Variants in PDE6A observed in about 807,000 individuals in gnomAD.
PDE6A encodes phosphodiesterase 6A.
In PDE6A, 84 loss-of-function variants were observed where a neutral mutation model predicts 106.3. The observed-to-expected ratio is 0.79, with a 90% CI of 0.66 to 0.95. The LOEUF (loss-of-function observed/expected upper bound fraction) is 0.95, where lower values mean the gene tolerates loss of function less well. Ranked by LOEUF, PDE6A falls within the 40% of genes least tolerant of loss-of-function variation. PDE6A has a pLI of 0.00. For synonymous variants in PDE6A, 394 were observed against 386.6 expected (o/e 1.02, Z -0.23); for missense variants, 1,052 against 1,084.9 (o/e 0.97, Z 0.43).
At chr5:149,906,851 A>C (rs1186957146) in intron 7 of PDE6A, among the ~76,000 whole-genome samples, 2 of 152,006 alleles carry the variant, frequency 1.3e-5, no homozygotes, top group East Asian at 3.9e-4. Context: ...GGCTCACTGC[A>C]ACCTCCGCCT....
chr5:149,922,407 G>A (rs1396644944), intron 4 of PDE6A, among the ~76,000 whole-genome samples: 1 of 152,042 alleles, frequency 6.6e-6, no homozygotes, highest in African/African-American at 2.4e-5. Context: ...CACCTCCCGG[G>A]TTCTAGCAAT....
At chr5:149,925,366 A>T (rs113183411) in intron 4 of PDE6A, among the ~76,000 whole-genome samples, 18 of 152,348 alleles carry the variant, frequency 1.2e-4, no homozygotes, top group African/African-American at 4.3e-4. Context: ...AAATTGAAAA[A>T]TATCTAAAGT....
At chr5:149,910,874 C>CT (rs386405293) in intron 6 of PDE6A, among the ~76,000 whole-genome samples, 2,041 of 86,972 alleles carry the variant, frequency 0.023, 133 homozygotes, top group East Asian at 0.039. Flanking sequence ...TTTCTTTTTC[C>CT]TTTTTTTTTT....
intron 1 of PDE6A, among the ~76,000 whole-genome samples, chr5:149,942,851 A>G (rs1022185573): frequency 1.2e-4 from 19 of 152,034 alleles, no homozygotes; most frequent in African/African-American, 4.1e-4. Context: ...AGTAAAGAGC[A>G]GTATTGCCAC....
chr5:149,934,811 C>T (rs1754138355), intron 1 of PDE6A, 93 bp from the exon 2 acceptor site: 5 of 1,248,044 alleles, frequency 4.0e-6, no homozygotes, highest in Admixed American at 3.5e-5. Context: ...AATAAAGGTG[C>T]TTCCATCTAT....
chr5:149,937,030 C>CTTTGAGGAAACTGCT (rs1754204438), intron 1 of PDE6A, among the ~76,000 whole-genome samples: 1 of 152,208 alleles, frequency 6.6e-6, no homozygotes, highest in African/African-American at 2.4e-5. Flanking sequence ...CTTCCTCCAA[C>CTTTGAGGAAACTGCT]TTGAGGAAAC....
chr5:149,926,043 G>A (rs568676426), intron 4 of PDE6A, among the ~76,000 whole-genome samples: 163 of 151,898 alleles, frequency 1.1e-3, no homozygotes, highest in African/African-American at 3.5e-3. Context: ...GGAGTTCGAG[G>A]CCAACCTGGC....
In PDE6A at chr5:149,858,816, C is replaced by CAT. The variant is rs1760023391; in HGVS notation, c.*2078_*2079insAT. 1.3e-5 allele frequency: 1 copy of CAT among 79,116 alleles called. No homozygotes were observed. Among genetic ancestry groups the CAT allele is most frequent in the Non-Finnish European group, 2.2e-5 (1 of 46,000 alleles). 4.9% of individuals were successfully genotyped at this position (79,116 alleles called of 1,614,324 possible). On this transcript the variant is annotated 3_prime_UTR_variant, in exon 22 of 22. Coordinates refer to ENST00000255266, the MANE Select transcript of PDE6A (RefSeq NM_000440.3). ...AAGAGAGAAATTCTATCTGCCACAT[C>CAT]TTTTTTTTTTCTTTTTTTTTTTTTT... is the stretch of plus-strand genomic sequence containing the variant.
intron 5 of PDE6A, among the ~76,000 whole-genome samples, chr5:149,915,288 C>T (rs529020254): frequency 6.6e-5 from 10 of 152,118 alleles, no homozygotes; most frequent in African/African-American, 1.2e-4. Flanking sequence ...GGATTACAGG[C>T]GTGAGCCACT....
chr5:149,891,159 A>C (rs1471838882), intron 13 of PDE6A, among the ~76,000 whole-genome samples: 1 of 152,214 alleles, frequency 6.6e-6, no homozygotes, highest in East Asian at 1.9e-4. Flanking sequence ...AAATAGTGAC[A>C]AGGTGACTGC....
chr5:149,913,494 A>T (rs1284183291), intron 6 of PDE6A, among the ~76,000 whole-genome samples: 1 of 152,132 alleles, frequency 6.6e-6, no homozygotes, highest in Non-Finnish European at 1.5e-5. Flanking sequence ...TCTCATCCTC[A>T]CCGGTAACAG....
rs1409138612 is a variant in PDE6A at position 149,925,401 on chromosome 5, A to C, written c.859-3692T>G. On this transcript the variant is annotated intron_variant, in intron 4 of 21. Coordinates refer to ENST00000255266, the MANE Select transcript of PDE6A (RefSeq NM_000440.3). ...TTAAAAACTCAATAGTTTAACAGTC[A>C]ATTAGACACTGTTGAAGAGAGAGTT... 2.6e-5 allele frequency among the ~76,000 whole-genome samples: 4 copies of C among 152,200 alleles called. No individual in the cohort carries two copies. The East Asian group carries it at 7.7e-4, about 29-fold the overall frequency.
chr5:149,875,625 G>C (rs1760712859), intron 17 of PDE6A, among the ~76,000 whole-genome samples: 1 of 151,796 alleles, frequency 6.6e-6, no homozygotes, highest in Non-Finnish European at 1.5e-5. Context: ...GAGTAGTTGG[G>C]ACCACAGGTG....
intron 5 of PDE6A, among the ~76,000 whole-genome samples, chr5:149,918,520 C>T (rs1033644126): frequency 6.6e-6 from 1 of 152,186 alleles, no homozygotes; most frequent in Non-Finnish European, 1.5e-5. Context: ...CACTTAATTT[C>T]GTATGGAGTG....
At chr5:149,899,564 G>C in intron 8 of PDE6A, 40 bp from the exon 9 acceptor site, 1 of 1,598,750 alleles carries the variant, frequency 6.3e-7, no homozygotes, top group Non-Finnish European at 8.6e-7. Context: ...TCTTGTTTCA[G>C]GCCACAGAGG....
At chr5:149,912,983 A>G (rs1345659068) in intron 6 of PDE6A, among the ~76,000 whole-genome samples, 1 of 152,156 alleles carries the variant, frequency 6.6e-6, no homozygotes, top group Non-Finnish European at 1.5e-5. Flanking sequence ...ATGAGTTAAT[A>G]AGATTGTGGC....
chr5:149,880,581 C>T (rs1369899167), intron 17 of PDE6A, among the ~76,000 whole-genome samples: 3 of 151,486 alleles, frequency 2.0e-5, no homozygotes, highest in African/African-American at 4.9e-5. Context: ...GGCATGGTGT[C>T]GCATGCCTGT....
chr5:149,889,083 A>G (rs1236239332), intron 13 of PDE6A, among the ~76,000 whole-genome samples: 1 of 145,998 alleles, frequency 6.8e-6, no homozygotes, highest in African/African-American at 2.5e-5. Flanking sequence ...CTCTGTCTCA[A>G]AAAAAAAAAA....
chr5:149,921,590 AT>A, intron 5 of PDE6A, 44 bp downstream of exon 5: 1 of 1,477,460 alleles, frequency 6.8e-7, no homozygotes, highest in Non-Finnish European at 9.5e-7. Context: ...TGTGCCTTGC[AT>A]TTGAATATAT....
Sources: allele counts gnomAD v4.1 joint callset (sites outside exome capture counted in the v4.1 genomes callset), GRCh38; gene constraint gnomAD v4.1.1; transcripts MANE v1.5; gene names NCBI Gene and HGNC (gene_info 2026-07-23, HGNC 2026-07-21).